The following MKLN1 variants were observed in gnomAD, a reference collection of about 807,000 sequenced individuals.
MKLN1 encodes the protein muskelin.
Under a neutral mutation model 99.0 loss-of-function variants are expected in MKLN1, and 18 were observed. That is an observed-to-expected ratio of 0.18 (90% CI 0.13 to 0.27). MKLN1 has a LOEUF of 0.27. Among genes scored for constraint, MKLN1 ranks in the 10% least tolerant of loss-of-function variants. MKLN1 has a pLI of 1.00. For missense variants in MKLN1, 621 were observed against 875.9 expected (o/e 0.71, Z 3.67); for synonymous variants, 288 against 293.2 (o/e 0.98, Z 0.18).
intron 3 of MKLN1, among the ~76,000 whole-genome samples, chr7:131,204,155 A>G (rs183999311): frequency 1.1e-4 from 17 of 152,246 alleles, no homozygotes; most frequent in Non-Finnish European, 1.0e-4. Flanking sequence ...GCCTGGGTTG[A>G]TGTTCATCCA....
intron 2 of MKLN1, among the ~76,000 whole-genome samples, chr7:131,182,952 C>CT (rs1796396763): frequency 6.6e-6 from 1 of 152,136 alleles, no homozygotes. Flanking sequence ...TACCTTGTGA[C>CT]TTTTTTGGTT....
In MKLN1 at chr7:131,331,453, T is replaced by C. The variant is rs1799071541; in HGVS notation, c.98+3456T>C. The stretch of plus-strand genomic sequence containing the variant: ...TTTTAGAGCTAGGAAAAGTGAGATT[T>C]AGGGAGGTAAGTTAACTTGCCCAGG... On this transcript the variant is annotated intron_variant, in intron 1 of 17. Coordinates refer to ENST00000352689, the MANE Select transcript of MKLN1 (RefSeq NM_013255.5). Among the ~76,000 whole-genome samples the C allele has an allele frequency of 2.0e-5, 3 of 152,180 alleles. No homozygotes were observed. In the South Asian group the frequency reaches 6.2e-4, roughly 31 times the overall value.
intron 4 of MKLN1, among the ~76,000 whole-genome samples, chr7:131,392,693 C>T (rs1794233575): frequency 6.6e-6 from 1 of 151,404 alleles, no homozygotes; most frequent in Admixed American, 6.6e-5. Flanking sequence ...CAACTTCCTG[C>T]CTCCTGGGTT....
chr7:131,354,598 C>T (rs1273875065), intron 1 of MKLN1, among the ~76,000 whole-genome samples: 1 of 151,804 alleles, frequency 6.6e-6, no homozygotes, highest in East Asian at 1.9e-4. Flanking sequence ...TTCTTCCCTT[C>T]TGAAGGTTGC....
chr7:131,372,963 A>G (rs944426006), intron 1 of MKLN1, among the ~76,000 whole-genome samples: 5 of 149,314 alleles, frequency 3.3e-5, no homozygotes, highest in Non-Finnish European at 7.5e-5. Context: ...GTATGTTTCA[A>G]TTTCTTAAAT....
intron 4 of MKLN1, among the ~76,000 whole-genome samples, chr7:131,391,649 A>C (rs1794200109): frequency 6.6e-6 from 1 of 152,186 alleles, no homozygotes; most frequent in Non-Finnish European, 1.5e-5. Flanking sequence ...CCTTCAGGAA[A>C]GTTTTACTTT....
intron 3 of MKLN1, among the ~76,000 whole-genome samples, chr7:131,288,804 C>T (rs1203597620): frequency 6.6e-6 from 1 of 152,124 alleles, no homozygotes; most frequent in Non-Finnish European, 1.5e-5. Flanking sequence ...TTGCTGCATG[C>T]TTTTTGCTGC....
chr7:131,354,987 AC>A (rs1799831105), intron 1 of MKLN1, among the ~76,000 whole-genome samples: 1 of 152,008 alleles, frequency 6.6e-6, no homozygotes, highest in Admixed American at 6.6e-5. Context: ...CACTATCTTG[AC>A]CAGGCTTGTC....
At position 131,488,820 on chromosome 7, in the gene MKLN1, A is replaced by G. The variant is rs966808516; in HGVS notation, c.*1092A>G. On this transcript the variant is annotated 3_prime_UTR_variant, in exon 18 of 18. Transcript: ENST00000352689. ...AACTGACAGGCATTTCATTAAGCAC[A>G]TAGACCAGACTTTGTGAATGGTTCA... The G allele has an allele frequency of 6.6e-6, 1 of 152,184 alleles. No individual in the cohort carries two copies. Among genetic ancestry groups the G allele is most frequent in the African/African-American group, 2.4e-5 (1 of 41,450 alleles). 9.4% of individuals were successfully genotyped at this position (152,184 alleles called of 1,614,324 possible).
chr7:131,172,380 A>G (rs1241054769), intron 2 of MKLN1, among the ~76,000 whole-genome samples: 2 of 150,996 alleles, frequency 1.3e-5, no homozygotes, highest in African/African-American at 4.9e-5. Flanking sequence ...CAGTGGCGTG[A>G]TCTCGGCTCA....
intron 3 of MKLN1, among the ~76,000 whole-genome samples, chr7:131,245,059 T>A (rs1016851640): frequency 6.6e-6 from 1 of 152,216 alleles, no homozygotes; most frequent in East Asian, 1.9e-4. Context: ...TGGTGCCTCC[T>A]GGGCATATAA....
chr7:131,456,214 G>A (rs774694234), intron 12 of MKLN1, among the ~76,000 whole-genome samples: 3 of 151,816 alleles, frequency 2.0e-5, no homozygotes, highest in Non-Finnish European at 2.9e-5. Flanking sequence ...TGATAATGCC[G>A]TTTTTATTTA....
At chr7:131,243,972 C>T (rs779125916) in intron 3 of MKLN1, among the ~76,000 whole-genome samples, 33 of 152,028 alleles carry the variant, frequency 2.2e-4, no homozygotes, top group Non-Finnish European at 4.1e-4. Context: ...CGAGCTGCAC[C>T]GCTGTACTCC....
At chr7:131,204,125 C>T (rs1796770261) in intron 3 of MKLN1, among the ~76,000 whole-genome samples, 1 of 152,124 alleles carries the variant, frequency 6.6e-6, no homozygotes, top group African/African-American at 2.4e-5. Flanking sequence ...CCCCAGACCG[C>T]CTTGTTTAAA....
At position 131,487,693 on chromosome 7, in the gene MKLN1, C is replaced by T. The variant is rs375786923; in HGVS notation, c.2173C>T (p.Pro725Ser). The change falls in exon 18 of 18, where the codon CCT becomes TCT. Residue 725 changes from proline to serine, a missense_variant. Physicochemically the swap from Pro to Ser is moderately conservative, Grantham distance 74. This residue lies in a region of MKLN1 where 126 missense variants were observed against 157.4 expected (regional missense o/e 0.80). Coordinates refer to ENST00000352689, the MANE Select transcript of MKLN1 (RefSeq NM_013255.5). This position sits in a 1 kb window ranked among gnomAD's most constrained non-coding sequence, Gnocchi z 4.7. ...VNFFPDSMTPPKGNLVDLITL is the reference protein window; with the variant it reads ...VNFFPDSMTPSKGNLVDLITL ...TTTCTTTCCTGACAGCATGACTCCT[C>T]CTAAAGGCAACCTGGTAGACCTCAT... 4 of 1,613,080 alleles carry T rather than the reference C, an allele frequency of 2.5e-6. No individual in the cohort carries two copies. In the Admixed American group the frequency reaches 5.0e-5, roughly 20 times the overall value.
intron 5 of MKLN1, among the ~76,000 whole-genome samples, chr7:131,398,210 G>C (rs1794416384): frequency 6.6e-6 from 1 of 152,134 alleles, no homozygotes; most frequent in South Asian, 2.1e-4. Context: ...TAGGAAGTTT[G>C]AGGTAGTCCC....
upstream of MKLN1, among the ~76,000 whole-genome samples, chr7:131,324,055 G>GA (rs1798836137): frequency 6.6e-6 from 1 of 152,062 alleles, no homozygotes; most frequent in African/African-American, 2.4e-5. Context: ...AGACAGAGGT[G>GA]AAAAAAACTT....
chr7:131,456,470 G>A (rs1021479824), intron 12 of MKLN1, among the ~76,000 whole-genome samples: 2 of 152,090 alleles, frequency 1.3e-5, no homozygotes, highest in African/African-American at 2.4e-5. Context: ...TTACCCTTCA[G>A]TTAATTTTTA....
chr7:131,117,156 G>T (rs577948784), intron 1 of MKLN1, among the ~76,000 whole-genome samples: 1 of 152,180 alleles, frequency 6.6e-6, no homozygotes, highest in South Asian at 2.1e-4. Flanking sequence ...AAGAGGCTGG[G>T]CGCGGTGGCT....
Sources: gnomAD v4.1 joint callset for allele counts (sites outside exome capture counted in the v4.1 genomes callset) on GRCh38, gnomAD v4.1.1 for gene constraint, gnomAD v4.1.1 regional missense constraint, Gnocchi (gnomAD v3.1) non-coding constraint, MANE v1.5 for transcripts, NCBI Gene and HGNC (gene_info 2026-07-23, HGNC 2026-07-21) for gene names.